Variants in SGCZ observed in about 807,000 individuals in gnomAD.
SGCZ encodes the protein zeta-sarcoglycan.
In SGCZ, 40 loss-of-function variants were observed where a neutral mutation model predicts 41.3. That is an observed-to-expected ratio of 0.97 (90% CI 0.75 to 1.26). The LOEUF (loss-of-function observed/expected upper bound fraction) is 1.26, where lower values mean the gene tolerates loss of function less well. Ranked by LOEUF, SGCZ falls within the 50% of genes most tolerant of loss-of-function variation. The pLI is 0.00. For synonymous variants in SGCZ, 206 were observed against 137.5 expected (o/e 1.50, Z -3.49); for missense variants, 552 against 369.8 (o/e 1.49, Z -4.04).
chr8:14,492,565 A>G (rs1801871196), intron 2 of SGCZ, among the ~76,000 whole-genome samples: 1 of 152,158 alleles, frequency 6.6e-6, no homozygotes, highest in African/African-American at 2.4e-5. Context: ...TACGAAGAAA[A>G]GTGAAAGCTT....
At chr8:14,333,553 G>A (rs532683378) in intron 2 of SGCZ, among the ~76,000 whole-genome samples, 6 of 151,882 alleles carry the variant, frequency 4.0e-5, no homozygotes, top group Non-Finnish European at 7.4e-5. Context: ...AATAAATTTA[G>A]AAAACCATTG....
intron 7 of SGCZ, among the ~76,000 whole-genome samples, chr8:14,097,591 A>G (rs1801884470): frequency 6.6e-6 from 1 of 152,150 alleles, no homozygotes. Context: ...AGTTCTGTAG[A>G]TGTTTCTTAG....
chr8:14,989,940 C>A (rs985764992), intron 1 of SGCZ, among the ~76,000 whole-genome samples: 37 of 152,140 alleles, frequency 2.4e-4, no homozygotes, highest in African/African-American at 8.2e-4. Context: ...CTTCCTTCTA[C>A]GTGTAGGGAT....
chr8:14,594,799 T>G (rs938235341), intron 1 of SGCZ, among the ~76,000 whole-genome samples: 5 of 151,878 alleles, frequency 3.3e-5, no homozygotes, highest in African/African-American at 1.2e-4. Context: ...GTTTCCTGAT[T>G]AAAGAGACTA....
chr8:14,224,357 T>G (rs943178318), intron 4 of SGCZ, among the ~76,000 whole-genome samples: 5 of 152,294 alleles, frequency 3.3e-5, no homozygotes, highest in African/African-American at 1.2e-4. Flanking sequence ...CAGATAAGAT[T>G]AGTACCAGGT....
At chr8:15,231,474 A>C (rs1388899074) in intron 1 of SGCZ, among the ~76,000 whole-genome samples, 1 of 152,112 alleles carries the variant, frequency 6.6e-6, no homozygotes. Flanking sequence ...GTAACCTTAA[A>C]TTTGCTCATT....
intron 5 of SGCZ, among the ~76,000 whole-genome samples, chr8:14,127,073 G>A (rs929127091): frequency 6.6e-6 from 1 of 151,926 alleles, no homozygotes; most frequent in South Asian, 2.1e-4. Flanking sequence ...AAACCACCAT[G>A]GCTTACCTAT....
chr8:14,332,633 C>T (rs1006816666), intron 2 of SGCZ: 7 of 151,636 alleles, frequency 4.6e-5, no homozygotes, highest in African/African-American at 1.7e-4. Flanking sequence ...ACTCTTTTCC[C>T]CTTCTCACTA....
intron 1 of SGCZ, among the ~76,000 whole-genome samples, chr8:14,906,756 A>G (rs1406813584): frequency 1.3e-5 from 2 of 152,236 alleles, no homozygotes; most frequent in Middle Eastern, 3.2e-3. Context: ...CTGGAGACCA[A>G]CAATGAGATG....
At chr8:15,184,211 C>G (rs893934452) in intron 1 of SGCZ, among the ~76,000 whole-genome samples, 1 of 152,112 alleles carries the variant, frequency 6.6e-6, no homozygotes, top group Admixed American at 6.6e-5. Flanking sequence ...TATACTGTCA[C>G]TAGTAGAACT....
chr8:14,230,768 G>T (rs1168372156), intron 4 of SGCZ, among the ~76,000 whole-genome samples: 1 of 149,136 alleles, frequency 6.7e-6, no homozygotes, highest in Non-Finnish European at 1.5e-5. Flanking sequence ...GGTGGTGGTG[G>T]GGGGGTGGTT....
chr8:15,127,134 C>T (rs896483814), intron 1 of SGCZ, among the ~76,000 whole-genome samples: 1 of 151,964 alleles, frequency 6.6e-6, no homozygotes, highest in Non-Finnish European at 1.5e-5. Flanking sequence ...GTATGAGACA[C>T]CATTTTTAAG....
At chr8:15,083,920 C>A (rs896832136) in intron 1 of SGCZ, among the ~76,000 whole-genome samples, 4 of 152,082 alleles carry the variant, frequency 2.6e-5, no homozygotes, top group African/African-American at 9.7e-5. Flanking sequence ...AATTCTTCCC[C>A]ATGTTTCATG....
intron 1 of SGCZ, among the ~76,000 whole-genome samples, chr8:15,157,843 T>C (rs1303590068): frequency 6.6e-6 from 1 of 152,140 alleles, no homozygotes; most frequent in African/African-American, 2.4e-5. Flanking sequence ...TAAAAACAAA[T>C]GTAAAAATGG....
At chr8:14,794,979 G>C (rs917156516) in intron 1 of SGCZ, among the ~76,000 whole-genome samples, 1 of 152,154 alleles carries the variant, frequency 6.6e-6, no homozygotes, top group African/African-American at 2.4e-5. Flanking sequence ...ATCACTTTCA[G>C]ACAAATAACT....
chr8:14,900,637 A>G (rs891081059), intron 1 of SGCZ, among the ~76,000 whole-genome samples: 2 of 152,224 alleles, frequency 1.3e-5, no homozygotes, highest in African/African-American at 2.4e-5. Flanking sequence ...CTGTCATTAT[A>G]GACTGAATAC....
chr8:14,288,429 C>T (rs1187067430), intron 3 of SGCZ, among the ~76,000 whole-genome samples: 1 of 152,072 alleles, frequency 6.6e-6, no homozygotes. Flanking sequence ...TAATCCATCA[C>T]TCCCCATGTC....
At chr8:14,677,679 G>C (rs1311243472) in intron 1 of SGCZ, among the ~76,000 whole-genome samples, 1 of 152,158 alleles carries the variant, frequency 6.6e-6, no homozygotes, top group Non-Finnish European at 1.5e-5. Flanking sequence ...GCTGAGGCAA[G>C]AGAATCGCTT....
At chr8:14,866,830 GT>G (rs1803949464) in intron 1 of SGCZ, among the ~76,000 whole-genome samples, 2 of 152,024 alleles carry the variant, frequency 1.3e-5, no homozygotes. Flanking sequence ...TTTGGAGTTT[GT>G]TTGTCTCAAA....
Sources: allele counts gnomAD v4.1 joint callset (sites outside exome capture counted in the v4.1 genomes callset), GRCh38; gene constraint gnomAD v4.1.1; transcripts MANE v1.5; gene names NCBI Gene and HGNC (gene_info 2026-07-23, HGNC 2026-07-21).